The following SUGCT variants were observed in gnomAD, a reference collection of about 807,000 sequenced individuals.
SUGCT encodes succinyl-CoA:glutarate-CoA transferase.
Under a neutral mutation model 55.0 loss-of-function variants are expected in SUGCT, and 41 were observed. The observed-to-expected ratio is 0.74, with a 90% CI of 0.58 to 0.97. The LOEUF (loss-of-function observed/expected upper bound fraction) is 0.97. Among genes scored for constraint, SUGCT ranks in the 50% least tolerant of loss-of-function variants. The pLI is 0.00. For missense variants in SUGCT, 568 were observed against 547.8 expected (o/e 1.04, Z -0.37); for synonymous variants, 187 against 200.4 (o/e 0.93, Z 0.56).
intron 12 of SUGCT, among the ~76,000 whole-genome samples, chr7:40,746,918 G>A (rs1348030270): frequency 6.6e-6 from 1 of 152,192 alleles, no homozygotes; most frequent in Non-Finnish European, 1.5e-5. Flanking sequence ...ACAGAGATAC[G>A]AGGAGAGAAG....
the SUGCT span, among the ~76,000 whole-genome samples, chr7:40,904,197 C>G: frequency 6.6e-6 from 1 of 152,152 alleles, no homozygotes; most frequent in Non-Finnish European, 1.5e-5. Flanking sequence ...GATGTTTTTA[C>G]GACTGAGTTT....
intron 13 of SUGCT, among the ~76,000 whole-genome samples, chr7:40,858,897 C>T (rs765045977): frequency 3.3e-5 from 5 of 152,214 alleles, no homozygotes; most frequent in South Asian, 2.1e-4. Context: ...TGCAGCTTGA[C>T]GGTGTTAGGA....
intron 12 of SUGCT, among the ~76,000 whole-genome samples, chr7:40,514,047 C>T (rs1315931652): frequency 2.6e-5 from 4 of 151,990 alleles, no homozygotes; most frequent in African/African-American, 9.7e-5. Flanking sequence ...GCCTCGGCCT[C>T]CCAAAGTGCT....
intron 12 of SUGCT, among the ~76,000 whole-genome samples, chr7:40,693,440 C>T (rs892662117): frequency 2.0e-5 from 3 of 152,096 alleles, no homozygotes; most frequent in African/African-American, 7.2e-5. Context: ...AAACGGTAAC[C>T]ATATAAGGTA....
intron 8 of SUGCT, among the ~76,000 whole-genome samples, chr7:40,285,745 A>G (rs1793295007): frequency 6.6e-6 from 1 of 152,202 alleles, no homozygotes; most frequent in Non-Finnish European, 1.5e-5. Flanking sequence ...GGTATGAGGT[A>G]TAACGGTGAG....
At chr7:41,012,890 T>A in the SUGCT span, among the ~76,000 whole-genome samples, 1 of 152,252 alleles carries the variant, frequency 6.6e-6, no homozygotes. Flanking sequence ...CAAAATATTT[T>A]GACCTTGTTT....
At chr7:40,486,741 A>G (rs910048993) in intron 11 of SUGCT, among the ~76,000 whole-genome samples, 9 of 138,850 alleles carry the variant, frequency 6.5e-5, no homozygotes, top group Middle Eastern at 3.8e-3. Context: ...TTTTTTTTCA[A>G]TTGAAGTGAA....
chr7:40,773,148 G>T (rs1036556284), intron 13 of SUGCT, among the ~76,000 whole-genome samples: 6 of 151,720 alleles, frequency 4.0e-5, no homozygotes, highest in Non-Finnish European at 7.4e-5. Context: ...CTTTTTTTGA[G>T]ATGGAGTTTT....
At chr7:40,639,709 C>T (rs986283921) in intron 12 of SUGCT, among the ~76,000 whole-genome samples, 7 of 148,008 alleles carry the variant, frequency 4.7e-5, no homozygotes, top group East Asian at 2.0e-4. Context: ...GACGGGGTTT[C>T]GCCACATTGG....
chr7:40,489,100 C>G (rs1158820571), intron 11 of SUGCT, among the ~76,000 whole-genome samples: 1 of 152,082 alleles, frequency 6.6e-6, no homozygotes, highest in Non-Finnish European at 1.5e-5. Flanking sequence ...AACAACTGCT[C>G]TTTTAATGTG....
At chr7:40,905,569 TCACAGTGGC>T in the SUGCT span, among the ~76,000 whole-genome samples, 1 of 152,194 alleles carries the variant, frequency 6.6e-6, no homozygotes, top group Non-Finnish European at 1.5e-5. Flanking sequence ...ATGGCAAATT[TCACAGTGGC>T]CAAATATCGG....
At chr7:40,753,487 T>A (rs1269679369) in intron 13 of SUGCT, among the ~76,000 whole-genome samples, 1 of 152,202 alleles carries the variant, frequency 6.6e-6, no homozygotes, top group Non-Finnish European at 1.5e-5. Context: ...TAACAATCCT[T>A]ATTAGGATTG....
the SUGCT span, among the ~76,000 whole-genome samples, chr7:40,893,932 G>T: frequency 2.0e-5 from 3 of 151,892 alleles, no homozygotes; most frequent in East Asian, 5.8e-4. Context: ...ATGGTGGCAG[G>T]CACCTGTAAT....
chr7:40,214,670 C>T (rs1787522166), intron 6 of SUGCT, among the ~76,000 whole-genome samples: 1 of 152,006 alleles, frequency 6.6e-6, no homozygotes, highest in Non-Finnish European at 1.5e-5. Flanking sequence ...AATCCGAGCA[C>T]TTTGGGAGGC....
At chr7:40,978,062 C>A in the SUGCT span, among the ~76,000 whole-genome samples, 3 of 152,142 alleles carry the variant, frequency 2.0e-5, no homozygotes, top group Non-Finnish European at 4.4e-5. Flanking sequence ...CCTGCAGTGT[C>A]TTTGTGTGAA....
intron 12 of SUGCT, among the ~76,000 whole-genome samples, chr7:40,639,298 A>C (rs374973688): frequency 2.6e-5 from 4 of 152,274 alleles, no homozygotes; most frequent in African/African-American, 9.6e-5. Flanking sequence ...GCCCAGCAAA[A>C]AAATCAGTTC....
At chr7:40,665,602 A>G (rs1801585224) in intron 12 of SUGCT, among the ~76,000 whole-genome samples, 1 of 152,130 alleles carries the variant, frequency 6.6e-6, no homozygotes, top group Non-Finnish European at 1.5e-5. Flanking sequence ...AAGTGAAGTA[A>G]GAGAAAGGAA....
chr7:40,438,985 T>C (rs943230851), intron 9 of SUGCT, among the ~76,000 whole-genome samples: 1 of 145,830 alleles, frequency 6.9e-6, no homozygotes, highest in African/African-American at 2.5e-5. Context: ...TATACTACTG[T>C]ATATATAGAA....
chr7:40,467,204 G>GAAAAAAAAAA (rs762283927), intron 11 of SUGCT, among the ~76,000 whole-genome samples: 24 of 83,584 alleles, frequency 2.9e-4, no homozygotes, highest in South Asian at 5.1e-4. Flanking sequence ...CTAAGAAAAA[G>GAAAAAAAAAA]AAAAAAAAAA....
Sources: allele counts gnomAD v4.1 joint callset (sites outside exome capture counted in the v4.1 genomes callset), GRCh38; gene constraint gnomAD v4.1.1; transcripts MANE v1.5; gene names NCBI Gene and HGNC (gene_info 2026-07-23, HGNC 2026-07-21).